The following MARCHF1 variants were observed in gnomAD, a reference collection of about 807,000 sequenced individuals.
MARCHF1 encodes the protein E3 ubiquitin-protein ligase MARCHF1.
Under a neutral mutation model 54.2 loss-of-function variants are expected in MARCHF1, and 40 were observed. The ratio of observed to expected loss-of-function variants is 0.74; its 90% confidence interval spans 0.57 to 0.96. The LOEUF is 0.96. Among genes scored for constraint, MARCHF1 ranks in the 40% least tolerant of loss-of-function variants. The pLI, the probability that MARCHF1 is intolerant of heterozygous loss-of-function variation, is 0.00. For missense variants in MARCHF1, 586 were observed against 656.5 expected, an observed-to-expected ratio of 0.89 and a Z score of 1.17; for synonymous variants, 236 against 236.3, an observed-to-expected ratio of 1.00 and a Z score of 0.01.
At chr4:163,871,197 C>T (rs905997945) in intron 3 of MARCHF1, among the ~76,000 whole-genome samples, 2 of 152,044 alleles carry the variant, frequency 1.3e-5, no homozygotes, top group Non-Finnish European at 2.9e-5. Flanking sequence ...ATAAAACATA[C>T]ATCATCATCT....
intron 1 of MARCHF1, among the ~76,000 whole-genome samples, chr4:164,136,650 A>C (rs994274343): frequency 6.6e-6 from 1 of 152,174 alleles, no homozygotes; most frequent in African/African-American, 2.4e-5. Context: ...GGGACGCCTC[A>C]ACCACGGAGC....
intron 3 of MARCHF1, among the ~76,000 whole-genome samples, chr4:163,867,213 T>A (rs1750071919): frequency 6.6e-6 from 1 of 151,948 alleles, no homozygotes; most frequent in Admixed American, 6.6e-5. Flanking sequence ...AGTTGTGGTC[T>A]GAGACGCCCA....
chr4:163,771,057 A>AT (rs1352323996), intron 4 of MARCHF1, among the ~76,000 whole-genome samples: 2 of 152,204 alleles, frequency 1.3e-5, no homozygotes, highest in East Asian at 1.9e-4. Context: ...ATTCCATTAT[A>AT]TTTTTTATAG....
chr4:164,295,528 C>T (rs923175628), intron 1 of MARCHF1, among the ~76,000 whole-genome samples: 1 of 151,998 alleles, frequency 6.6e-6, no homozygotes, highest in Admixed American at 6.6e-5. Flanking sequence ...TGTGAAAAGT[C>T]ATGGAAGAAT....
chr4:164,252,091 T>C (rs1461346661), intron 1 of MARCHF1, among the ~76,000 whole-genome samples: 1 of 152,138 alleles, frequency 6.6e-6, no homozygotes, highest in African/African-American at 2.4e-5. Flanking sequence ...TATGAGTATT[T>C]AAAAAATCCT....
At chr4:163,832,696 G>A (rs1188172671) in intron 4 of MARCHF1, among the ~76,000 whole-genome samples, 6 of 150,460 alleles carry the variant, frequency 4.0e-5, no homozygotes, top group South Asian at 2.1e-4. Context: ...CCATTAACTC[G>A]TCATTTAGCA....
intron 2 of MARCHF1, among the ~76,000 whole-genome samples, chr4:164,044,419 A>G (rs1754196588): frequency 6.6e-6 from 1 of 152,032 alleles, no homozygotes; most frequent in Non-Finnish European, 1.5e-5. Context: ...AGTGCCACAA[A>G]CTTTTAAACA....
At chr4:163,964,149 T>C (rs1164350807) in intron 3 of MARCHF1, among the ~76,000 whole-genome samples, 2 of 152,000 alleles carry the variant, frequency 1.3e-5, no homozygotes, top group Non-Finnish European at 2.9e-5. Flanking sequence ...CCTCTAAATA[T>C]CTATAACATT....
chr4:164,154,589 G>C (rs896433192), intron 1 of MARCHF1, among the ~76,000 whole-genome samples: 1 of 152,180 alleles, frequency 6.6e-6, no homozygotes, highest in East Asian at 1.9e-4. Flanking sequence ...CCCCTTACGG[G>C]ACGGGAAGCA....
chr4:163,683,571 G>T (rs960704348), intron 5 of MARCHF1, among the ~76,000 whole-genome samples: 2 of 151,762 alleles, frequency 1.3e-5, no homozygotes, highest in African/African-American at 4.8e-5. Context: ...GCAGAATGAA[G>T]AAAAAAAACT....
chr4:163,827,317 C>T (rs953639596), intron 4 of MARCHF1, among the ~76,000 whole-genome samples: 13 of 151,980 alleles, frequency 8.6e-5, no homozygotes, highest in African/African-American at 1.9e-4. Flanking sequence ...GGATAAAGAA[C>T]GAACCATTTC....
At chr4:163,713,028 T>C (rs183793461) in intron 4 of MARCHF1, among the ~76,000 whole-genome samples, 121 of 152,290 alleles carry the variant, frequency 7.9e-4, no homozygotes, top group African/African-American at 2.6e-3. Context: ...CTACAGTAGC[T>C]TCGACTCATC....
rs139533400 is a variant in MARCHF1, at chr4:164,284,334, C to CAGAGAGAG, written c.-323+99528_-323+99535dup. ...CTAAAGAAAGTGAGAGAGAGAGAGA[C>CAGAGAGAG]AGAGAGAGAGAGAGAGAGAGAGAGA... On this transcript the variant is annotated intron_variant, in intron 1 of 9. Transcript: ENST00000514618. Among the ~76,000 whole-genome samples, 6 of 117,560 alleles carry CAGAGAGAG rather than the reference C, an allele frequency of 5.1e-5. 1 individual carries two copies. The highest frequency in any genetic ancestry group is 1.8e-4 in the African/African-American group (5 of 27,440). 77.1% of individuals were successfully genotyped at this position (117,560 alleles called of 152,430 possible).
At chr4:164,124,487 G>T (rs1323801823) in intron 1 of MARCHF1, among the ~76,000 whole-genome samples, 1 of 152,178 alleles carries the variant, frequency 6.6e-6, no homozygotes, top group Non-Finnish European at 1.5e-5. Flanking sequence ...CATGTTTGCT[G>T]CAGCAGTGTT....
At chr4:163,544,365 T>G in intron 9 of MARCHF1, among the ~76,000 whole-genome samples, 1 of 152,230 alleles carries the variant, frequency 6.6e-6, no homozygotes, top group Admixed American at 6.5e-5. Flanking sequence ...AACCCCATCC[T>G]AACTGTTTTT....
intron 1 of MARCHF1, among the ~76,000 whole-genome samples, chr4:164,354,030 C>T (rs1049242021): frequency 1.0e-5 from 1 of 98,446 alleles, no homozygotes; most frequent in Non-Finnish European, 2.2e-5. Context: ...GGATACATTC[C>T]TCGACACATA....
intron 4 of MARCHF1, among the ~76,000 whole-genome samples, chr4:163,785,496 C>T (rs1359938771): frequency 1.3e-5 from 2 of 151,832 alleles, no homozygotes; most frequent in Non-Finnish European, 2.9e-5. Flanking sequence ...AGAATCAAAA[C>T]AAAATCAAGA....
chr4:163,824,999 T>C lies in MARCHF1; in HGVS notation c.111+29022A>G, dbSNP rs181047941. On this transcript the variant is annotated intron_variant, in intron 4 of 9. Transcript: ENST00000514618. ...TCAAAAGTCAGGAAACAACAGGTGC[T>C]GGAGAGGATGTGGAGAAATAGGAAC... Among the ~76,000 whole-genome samples the C allele has an allele frequency of 7.9e-3, 1,197 of 151,618 alleles. 18 individuals carry two copies. Among genetic ancestry groups the C allele is most frequent in the African/African-American group, 0.028 (1,146 of 41,356 alleles).
intron 7 of MARCHF1, among the ~76,000 whole-genome samples, chr4:163,608,720 T>C (rs1729568578): frequency 6.6e-6 from 1 of 151,734 alleles, no homozygotes; most frequent in Non-Finnish European, 1.5e-5. Flanking sequence ...CAGAATAGAG[T>C]GTGCATGTGG....
Sources: allele counts gnomAD v4.1 joint callset (sites outside exome capture counted in the v4.1 genomes callset), GRCh38; gene constraint gnomAD v4.1.1; transcripts MANE v1.5; gene names NCBI Gene and HGNC (gene_info 2026-07-23, HGNC 2026-07-21).